Variants in ENOSF1 observed in about 807,000 individuals in gnomAD.
The protein encoded by ENOSF1 is enolase superfamily member 1.
A neutral mutation model predicts 68.2 loss-of-function variants in ENOSF1; 73 were observed. That is an observed-to-expected ratio of 1.07 (90% CI 0.89 to 1.30). The LOEUF (loss-of-function observed/expected upper bound fraction) is 1.30. Ranked by LOEUF, ENOSF1 falls within the 50% of genes most tolerant of loss-of-function variation. ENOSF1 has a pLI of 0.00. For missense variants in ENOSF1, 589 were observed against 554.5 expected (o/e 1.06, Z -0.62); for synonymous variants, 223 against 210.4 (o/e 1.06, Z -0.52).
At chr18:698,487 T>C (rs2077978598) in intron 2 of ENOSF1, among the ~76,000 whole-genome samples, 1 of 152,244 alleles carries the variant, frequency 6.6e-6, no homozygotes, top group Non-Finnish European at 1.5e-5. Context: ...AATGTTAAAA[T>C]ATATGAAAAC....
At chr18:667,547 TGATGGA>T (rs1306585487), downstream of ENOSF1, among the ~76,000 whole-genome samples, 26 of 44,186 alleles carry the variant, frequency 5.9e-4, 2 homozygotes, top group African/African-American at 2.1e-3. Flanking sequence ...ATGGTGATGG[TGATGGA>T]GATGGTGATG....
intron 12 of ENOSF1, 155 bp from the exon 13 acceptor site, chr18:678,027 G>C: frequency 1.1e-6 from 1 of 870,124 alleles, no homozygotes; most frequent in Non-Finnish European, 1.7e-6. Flanking sequence ...CGCTGGGCAT[G>C]AGGCGAGCTT....
In ENOSF1 at chr18:674,304, C is replaced by T; in HGVS notation, c.*1G>A. 6.2e-7 allele frequency: 1 copy of T among 1,604,194 alleles called. No individual in the cohort carries two copies. Among genetic ancestry groups the T allele is most frequent in the Non-Finnish European group, 8.5e-7 (1 of 1,174,756 alleles). On this transcript the variant is annotated 3_prime_UTR_variant, in exon 16 of 16. Coordinates refer to ENST00000647584, the MANE Select transcript of ENOSF1 (RefSeq NM_017512.7). ...AGAAAAAAGTTGTTGGGGCTGAGCA[C>T]TTAATTTTCTTGAGCAGGAAGGAGT...
intron 8 of ENOSF1, among the ~76,000 whole-genome samples, chr18:690,319 C>T (rs973565532): frequency 1.3e-5 from 2 of 150,746 alleles, no homozygotes; most frequent in African/African-American, 5.0e-5. Flanking sequence ...GAGCCCTTAA[C>T]CTGTGGGGTC....
At chr18:697,619 T>C (rs2077880572) in intron 2 of ENOSF1, among the ~76,000 whole-genome samples, 3 of 152,044 alleles carry the variant, frequency 2.0e-5, no homozygotes, top group Admixed American at 2.0e-4. Flanking sequence ...GGCACAGTGG[T>C]GCGCACCTGT....
At chr18:694,942 G>GTATA (rs1282065895) in intron 3 of ENOSF1, among the ~76,000 whole-genome samples, 1 of 152,082 alleles carries the variant, frequency 6.6e-6, no homozygotes, top group African/African-American at 2.4e-5. Context: ...ATACATCAGT[G>GTATA]TATAGTTCCT....
intron 1 of ENOSF1, among the ~76,000 whole-genome samples, chr18:709,383 G>A (rs1375678344): frequency 3.9e-5 from 6 of 152,176 alleles, no homozygotes; most frequent in East Asian, 3.9e-4. Flanking sequence ...AGAGGCAGCC[G>A]ACAGCGGAAA....
chr18:710,207 C>G (rs548555757), intron 1 of ENOSF1, among the ~76,000 whole-genome samples: 1 of 152,056 alleles, frequency 6.6e-6, no homozygotes, highest in Non-Finnish European at 1.5e-5. Flanking sequence ...CTCCTGGACT[C>G]AAGAGATCCT....
At chr18:669,426 G>C (rs1475321706), downstream of ENOSF1, 2 of 340,416 alleles carry the variant, frequency 5.9e-6, no homozygotes, top group Non-Finnish European at 1.1e-5. Context: ...AGGCTGGAAT[G>C]CAACGGCGTG....
chr18:706,439 T>G (rs781303661), intron 2 of ENOSF1, 31 bp downstream of exon 2: 2 of 1,406,850 alleles, frequency 1.4e-6, no homozygotes, highest in South Asian at 2.3e-5. Flanking sequence ...AAATTAAGCA[T>G]TCTGGAACCT....
Position 691,344 on chromosome 18 carries a change from AATTT to A in ENOSF1, c.424-72_424-69del, listed in dbSNP as rs945542456. 47 of 1,338,390 alleles carry A rather than the reference AATTT, an allele frequency of 3.5e-5. No homozygotes were observed. In the African/African-American group the frequency reaches 4.7e-4, roughly 13 times the overall value. 82.9% of individuals were successfully genotyped at this position (1,338,390 alleles called of 1,614,324 possible). ...AGGTGGGTTATATTTTGTTTTTTAA[AATTT>A]ATTATTCTTTTTTTAGAGACAAGGT... On this transcript the variant is annotated intron_variant, in intron 5 of 15. Coordinates refer to ENST00000647584, the MANE Select transcript of ENOSF1 (RefSeq NM_017512.7).
At chr18:666,856 CAG>C (rs1366180807), downstream of ENOSF1, among the ~76,000 whole-genome samples, 1 of 151,870 alleles carries the variant, frequency 6.6e-6, no homozygotes, top group Non-Finnish European at 1.5e-5. Context: ...TTAATGGGCA[CAG>C]AGGTTTTGTT....
intron 12 of ENOSF1, 47 bp from the exon 13 acceptor site, chr18:677,919 C>T: frequency 1.9e-6 from 3 of 1,587,850 alleles, no homozygotes; most frequent in Non-Finnish European, 2.6e-6. Context: ...TCAGCCTTGG[C>T]CTTCAGGATC....
chr18:663,541 TTG>T, the ENOSF1 span, among the ~76,000 whole-genome samples: 3 of 87,132 alleles, frequency 3.4e-5, 1 homozygote, highest in Non-Finnish European at 6.2e-5. Flanking sequence ...TTTGTCAATT[TTG>T]TCTTTTGTTG....
At position 688,613 on chromosome 18, in the gene ENOSF1, G is replaced by A. The variant is rs2076854105; in HGVS notation, c.619-5C>T. 1 of 1,613,800 alleles carries A rather than the reference G, an allele frequency of 6.2e-7. No individual in the cohort carries two copies. Among genetic ancestry groups the A allele is most frequent in the Non-Finnish European group, 8.5e-7 (1 of 1,179,898 alleles). On this transcript the variant is annotated splice_polypyrimidine_tract_variant and splice_region_variant and intron_variant, in intron 8 of 15. Transcript: ENST00000647584. ...CTTCAGCGCCTGGGCACAGAGCTGT[G>A]GGAAAGGAGCACAGGGTCACACACT...
At position 673,652 on chromosome 18, in the gene ENOSF1, T is replaced by C. The variant is rs1214541252; in HGVS notation, c.*653A>G. 2 of 168,926 alleles carry C rather than the reference T, an allele frequency of 1.2e-5. No homozygotes were observed. The highest frequency in any genetic ancestry group is 2.6e-5 in the Non-Finnish European group (2 of 78,254). 10.5% of individuals were successfully genotyped at this position (168,926 alleles called of 1,614,324 possible). A position where few individuals can be genotyped will look rare whatever the true frequency, so the allele number is the denominator to read the frequency against. On this transcript the variant is annotated 3_prime_UTR_variant, in exon 16 of 16. Transcript: ENST00000647584. ...AAATAATAGTGAATATATTTTGCCCTATTTTTCTCATTTTAACTGCATCTT... is the reference window on the plus strand; with the variant it reads ...AAATAATAGTGAATATATTTTGCCCCATTTTTCTCATTTTAACTGCATCTT...
chr18:695,270 T>C (rs2073163437), intron 3 of ENOSF1, among the ~76,000 whole-genome samples: 1 of 152,240 alleles, frequency 6.6e-6, no homozygotes, highest in Non-Finnish European at 1.5e-5. Flanking sequence ...AGTTCCTTCA[T>C]GACTAGATTC....
Position 670,656 on chromosome 18 carries a change from A to G in ENOSF1, c.*3649T>C, listed in dbSNP as rs2075001244. ...GCCTTTAGCTGTGGTCTTTCAAACC[A>G]CCATCCCTCCTTATCTTCCTCTGCT... On this transcript the variant is annotated 3_prime_UTR_variant, in exon 16 of 16. Coordinates refer to ENST00000647584, the MANE Select transcript of ENOSF1 (RefSeq NM_017512.7). 6.2e-7 allele frequency: 1 copy of G among 1,607,536 alleles called. No homozygotes were observed. The highest frequency in any genetic ancestry group is 1.1e-5 in the South Asian group (1 of 90,506).
intron 2 of ENOSF1, among the ~76,000 whole-genome samples, chr18:697,658 G>A (rs1598735710): frequency 6.6e-6 from 1 of 152,168 alleles, no homozygotes; most frequent in South Asian, 2.1e-4. Flanking sequence ...GGCTGAGGCA[G>A]GAGAATCGCT....
Sources: gnomAD v4.1 joint callset for allele counts (sites outside exome capture counted in the v4.1 genomes callset) on GRCh38, gnomAD v4.1.1 for gene constraint, MANE v1.5 for transcripts, NCBI Gene and HGNC (gene_info 2026-07-23, HGNC 2026-07-21) for gene names.